Variants in RAPGEF5 observed in about 807,000 individuals in gnomAD.
The protein encoded by RAPGEF5 is M-Ras-regulated GEF.
RAPGEF5 carries 65 observed loss-of-function variants against 125.2 expected under a neutral mutation model. That is an observed-to-expected ratio of 0.52 (90% CI 0.43 to 0.64). RAPGEF5 has a LOEUF of 0.64. Among genes scored for constraint, RAPGEF5 ranks in the 30% least tolerant of loss-of-function variants. The probability of loss-of-function intolerance (pLI) is 0.00; values close to 1 mark genes in which losing one functional copy is unlikely to be tolerated. For missense variants in RAPGEF5, 958 were observed against 1,048.1 expected (o/e 0.91, Z 1.19); for synonymous variants, 391 against 385.9 (o/e 1.01, Z -0.16).
At chr7:22,190,921 G>A (rs938986487) in intron 11 of RAPGEF5, among the ~76,000 whole-genome samples, 13 of 152,048 alleles carry the variant, frequency 8.5e-5, no homozygotes, top group South Asian at 2.1e-4. Context: ...GGCTACACGC[G>A]GCCCCAGATG....
At chr7:22,161,537 A>AACACACACACACACACACACACACAC (rs369030719) in intron 13 of RAPGEF5, among the ~76,000 whole-genome samples, 2 of 136,044 alleles carry the variant, frequency 1.5e-5, no homozygotes, top group African/African-American at 5.5e-5. Flanking sequence ...ACCCTGTCTC[A>AACACACACACACACACACACACACAC]ACACACACAC....
intron 16 of RAPGEF5, among the ~76,000 whole-genome samples, chr7:22,155,854 G>C (rs1260457406): frequency 6.6e-6 from 1 of 152,208 alleles, no homozygotes; most frequent in Non-Finnish European, 1.5e-5. Context: ...CTGATAAAAA[G>C]AGTCTGGGGG....
intron 24 of RAPGEF5, among the ~76,000 whole-genome samples, chr7:22,130,431 C>T (rs1287645165): frequency 6.6e-6 from 1 of 152,164 alleles, no homozygotes; most frequent in Non-Finnish European, 1.5e-5. Flanking sequence ...CCCTGGGAAC[C>T]TCTTGCTTGT....
chr7:22,138,488 T>C (rs957119991), intron 21 of RAPGEF5, among the ~76,000 whole-genome samples: 1 of 149,484 alleles, frequency 6.7e-6, no homozygotes, highest in Non-Finnish European at 1.5e-5. Context: ...TCACTTTCCA[T>C]TCATCCAGTC....
intron 1 of RAPGEF5, among the ~76,000 whole-genome samples, chr7:22,334,612 A>G (rs1316305772): frequency 1.3e-5 from 2 of 152,254 alleles, no homozygotes; most frequent in African/African-American, 4.8e-5. Flanking sequence ...GCCAACATAC[A>G]TATGTATACA....
intron 25 of RAPGEF5, among the ~76,000 whole-genome samples, chr7:22,123,778 G>A (rs1174192051): frequency 6.6e-6 from 1 of 152,242 alleles, no homozygotes; most frequent in African/African-American, 2.4e-5. Context: ...CGTCGAGAAA[G>A]TTAAACATTG....
chr7:22,156,488 A>C (rs1471480461), intron 16 of RAPGEF5, among the ~76,000 whole-genome samples: 1 of 152,178 alleles, frequency 6.6e-6, no homozygotes. Flanking sequence ...GAAGGCAGGG[A>C]GGAGATGGTT....
chr7:22,133,806 C>T (rs1474996911), intron 23 of RAPGEF5, among the ~76,000 whole-genome samples: 1 of 152,148 alleles, frequency 6.6e-6, no homozygotes, highest in African/African-American at 2.4e-5. Flanking sequence ...CCTTTCTGAC[C>T]AAGATTCCAC....
chr7:22,307,799 G>A (rs547828820), intron 5 of RAPGEF5, among the ~76,000 whole-genome samples: 2 of 152,238 alleles, frequency 1.3e-5, no homozygotes, highest in Admixed American at 1.3e-4. Context: ...CTATCACCAT[G>A]GATAAACAAA....
chr7:22,232,546 C>G (rs1250980971), intron 7 of RAPGEF5, among the ~76,000 whole-genome samples: 1 of 152,188 alleles, frequency 6.6e-6, no homozygotes, highest in Non-Finnish European at 1.5e-5. Flanking sequence ...TCTCAAACTC[C>G]TGACCTCAAG....
chr7:22,301,255 G>A (rs1226187042), intron 5 of RAPGEF5, among the ~76,000 whole-genome samples: 2 of 152,212 alleles, frequency 1.3e-5, no homozygotes, highest in South Asian at 2.1e-4. Flanking sequence ...AGTGGAATTC[G>A]TTATTATCTT....
intron 20 of RAPGEF5, among the ~76,000 whole-genome samples, chr7:22,144,356 G>A (rs1319835742): frequency 6.6e-6 from 1 of 152,194 alleles, no homozygotes; most frequent in African/African-American, 2.4e-5. Context: ...CTGTGCAGAG[G>A]GGAAGTAGAG....
At chr7:22,255,366 A>G (rs1276495685) in intron 7 of RAPGEF5, among the ~76,000 whole-genome samples, 3 of 152,070 alleles carry the variant, frequency 2.0e-5, no homozygotes, top group Non-Finnish European at 4.4e-5. Flanking sequence ...AGGCGGGAGG[A>G]CTGCTTGAGC....
intron 7 of RAPGEF5, among the ~76,000 whole-genome samples, chr7:22,262,861 G>C (rs767694278): frequency 1.3e-5 from 2 of 152,192 alleles, no homozygotes; most frequent in Admixed American, 6.6e-5. Context: ...CCACTCAGGA[G>C]ACTGAGGTGG....
At chr7:22,130,270 T>C (rs1023693829) in intron 24 of RAPGEF5, among the ~76,000 whole-genome samples, 4 of 152,186 alleles carry the variant, frequency 2.6e-5, no homozygotes, top group African/African-American at 9.7e-5. Flanking sequence ...AGTACTTCTA[T>C]TTTACAGTTG....
At chr7:22,293,674 T>C (rs560988107) in intron 5 of RAPGEF5, among the ~76,000 whole-genome samples, 1 of 152,138 alleles carries the variant, frequency 6.6e-6, no homozygotes, top group African/African-American at 2.4e-5. Context: ...TGCTCTTCCT[T>C]CCCTGCTAAC....
At chr7:22,356,740 T>G in intron 1 of RAPGEF5, 90 bp downstream of exon 1, 1 of 691,878 alleles carries the variant, frequency 1.4e-6, no homozygotes, top group Non-Finnish European at 1.8e-6. Context: ...CTCCCCAACT[T>G]CCAGACGCCC....
intron 3 of RAPGEF5, 46 bp from the exon 4 acceptor site, chr7:22,310,136 G>A (rs779856605): frequency 9.1e-6 from 13 of 1,436,282 alleles, no homozygotes; most frequent in South Asian, 6.1e-5. Context: ...GCTGACATCC[G>A]TTTGCCAAAA....
chr7:22,194,556 A>G (rs2128126442), intron 9 of RAPGEF5: 7 of 979,764 alleles, frequency 7.1e-6, no homozygotes, highest in Non-Finnish European at 8.5e-6. Context: ...GGCAAGAAAA[A>G]AAAAACTACC....
Sources: allele counts gnomAD v4.1 joint callset (sites outside exome capture counted in the v4.1 genomes callset), GRCh38; gene constraint gnomAD v4.1.1; transcripts MANE v1.5; gene names NCBI Gene and HGNC (gene_info 2026-07-23, HGNC 2026-07-21).